Variants in RARB observed in about 807,000 individuals in gnomAD.
The protein encoded by RARB is retinoic acid receptor beta, also known as HBV-activated protein.
In RARB, 17 loss-of-function variants were observed where a neutral mutation model predicts 51.9. The ratio of observed to expected loss-of-function variants is 0.33; its 90% CI spans 0.22 to 0.49. RARB has a LOEUF of 0.49. Among genes scored for constraint, RARB ranks in the 20% least tolerant of loss-of-function variants. The pLI, the probability that RARB is intolerant of heterozygous loss-of-function variation, is 0.99. For missense variants in RARB, 369 were observed against 550.8 expected (o/e 0.67, Z 3.30); for synonymous variants, 215 against 195.4 (o/e 1.10, Z -0.84).
At chr3:25,121,403 C>A (rs770974147) in intron 3 of RARB, among the ~76,000 whole-genome samples, 10 of 152,110 alleles carry the variant, frequency 6.6e-5, no homozygotes, top group Non-Finnish European at 1.5e-4. Flanking sequence ...AAAAAAATAG[C>A]TTCTTTGATT....
chr3:25,095,030 T>A (rs1158305465), intron 3 of RARB, among the ~76,000 whole-genome samples: 1 of 152,172 alleles, frequency 6.6e-6, no homozygotes, highest in Non-Finnish European at 1.5e-5. Flanking sequence ...AAGGTCACAG[T>A]TAAGTAGAGC....
chr3:25,208,575 G>T (rs1443189219), intron 5 of RARB, among the ~76,000 whole-genome samples: 1 of 151,974 alleles, frequency 6.6e-6, no homozygotes, highest in East Asian at 1.9e-4. Flanking sequence ...GTTGAAATAG[G>T]ATACTGTTCC....
intron 5 of RARB, among the ~76,000 whole-genome samples, chr3:25,307,997 C>G (rs1202714601): frequency 6.6e-6 from 1 of 152,166 alleles, no homozygotes; most frequent in Non-Finnish European, 1.5e-5. Context: ...CTATCTGGCC[C>G]TTTACAGAAA....
At chr3:25,506,001 C>T (rs1171834561) in intron 3 of RARB, among the ~76,000 whole-genome samples, 2 of 152,030 alleles carry the variant, frequency 1.3e-5, no homozygotes, top group Non-Finnish European at 2.9e-5. Context: ...GAGTAAAGCC[C>T]TAGAAAGCCT....
chr3:25,565,947 A>G (rs949042178), intron 3 of RARB, among the ~76,000 whole-genome samples: 1 of 152,030 alleles, frequency 6.6e-6, no homozygotes, highest in African/African-American at 2.4e-5. Flanking sequence ...CTAGTTCCAG[A>G]TCTCCTGACT....
chr3:25,426,960 T>C (rs1433891740), upstream of RARB, among the ~76,000 whole-genome samples: 1 of 152,208 alleles, frequency 6.6e-6, no homozygotes, highest in Non-Finnish European at 1.5e-5. Flanking sequence ...TTAAAATTAC[T>C]GTATTTTAAT....
chr3:25,127,156 A>T (rs1245173548), intron 3 of RARB, among the ~76,000 whole-genome samples: 1 of 152,100 alleles, frequency 6.6e-6, no homozygotes, highest in Non-Finnish European at 1.5e-5. Context: ...AAACTGAACT[A>T]TGTCACACTC....
intron 2 of RARB, among the ~76,000 whole-genome samples, chr3:24,865,427 C>A (rs930904528): frequency 6.6e-6 from 1 of 152,138 alleles, no homozygotes; most frequent in Non-Finnish European, 1.5e-5. Context: ...TGAATCCTCA[C>A]AATACCCAGT....
intron 3 of RARB, among the ~76,000 whole-genome samples, chr3:25,563,637 G>C (rs1559469383): frequency 6.6e-6 from 1 of 152,184 alleles, no homozygotes; most frequent in East Asian, 1.9e-4. Flanking sequence ...CCTGCCTTCA[G>C]ATCCATGGTA....
At chr3:25,239,850 G>C (rs1423541872) in intron 5 of RARB, among the ~76,000 whole-genome samples, 1 of 152,006 alleles carries the variant, frequency 6.6e-6, no homozygotes, top group Non-Finnish European at 1.5e-5. Flanking sequence ...TTTTGACAGA[G>C]ATTGCACTGA....
chr3:25,314,659 T>A (rs1162660149), intron 5 of RARB, among the ~76,000 whole-genome samples: 1 of 152,186 alleles, frequency 6.6e-6, no homozygotes, highest in Non-Finnish European at 1.5e-5. Flanking sequence ...GAGTATTTTT[T>A]TATATATATA....
At chr3:25,224,202 C>A (rs533780988) in intron 5 of RARB, among the ~76,000 whole-genome samples, 4 of 152,162 alleles carry the variant, frequency 2.6e-5, no homozygotes, top group Non-Finnish European at 5.9e-5. Context: ...TAATGCCCAA[C>A]AAACAAGCAG....
At chr3:25,124,948 A>G (rs986196803) in intron 3 of RARB, among the ~76,000 whole-genome samples, 2 of 152,180 alleles carry the variant, frequency 1.3e-5, no homozygotes, top group Non-Finnish European at 2.9e-5. Flanking sequence ...AAGGCAAGTG[A>G]TTTTAAGGGA....
chr3:25,507,593 A>G (rs915152949), intron 3 of RARB, among the ~76,000 whole-genome samples: 24 of 152,176 alleles, frequency 1.6e-4, no homozygotes, highest in Admixed American at 8.5e-4. Context: ...CCAGTGAAAA[A>G]GGCTGAGCTG....
chr3:25,207,890 C>T (rs1184116782), intron 5 of RARB, among the ~76,000 whole-genome samples: 1 of 152,078 alleles, frequency 6.6e-6, no homozygotes, highest in Non-Finnish European at 1.5e-5. Flanking sequence ...AGTTCCAGTC[C>T]TGTAGGTTGT....
At chr3:24,890,844 G>A (rs1474151350) in intron 2 of RARB, among the ~76,000 whole-genome samples, 2 of 150,304 alleles carry the variant, frequency 1.3e-5, no homozygotes, top group Middle Eastern at 3.4e-3. Context: ...GGGCTCTGGA[G>A]TAATAAAAAA....
intron 2 of RARB, among the ~76,000 whole-genome samples, chr3:24,991,023 T>TCTA (rs1696898165): frequency 6.6e-6 from 1 of 152,374 alleles, no homozygotes; most frequent in East Asian, 1.9e-4. Flanking sequence ...ATTAGCAGTT[T>TCTA]CTACTACATA....
intron 3 of RARB, among the ~76,000 whole-genome samples, chr3:25,510,984 C>T (rs1464887457): frequency 1.3e-5 from 2 of 152,222 alleles, no homozygotes; most frequent in East Asian, 1.9e-4. Context: ...AATATTTTAG[C>T]ATCTGCAGTC....
Position 25,569,924 on chromosome 3 carries a change from A to T in RARB, c.609+6A>T. 1 of 1,613,190 alleles carries T rather than the reference A, an allele frequency of 6.2e-7. No individual in the cohort carries two copies. Among genetic ancestry groups the T allele is most frequent in the Non-Finnish European group, 8.5e-7 (1 of 1,179,524 alleles). ...AGCTGGGTAAATACACCACGGTAAG[A>T]GATACTCCTGCCCCAGGCTGCTGGG... On this transcript the variant is annotated splice_donor_region_variant and intron_variant, in intron 4 of 7. Coordinates refer to ENST00000330688, the MANE Select transcript of RARB (RefSeq NM_000965.5).
Sources: allele counts gnomAD v4.1 joint callset (sites outside exome capture counted in the v4.1 genomes callset), GRCh38; gene constraint gnomAD v4.1.1; transcripts MANE v1.5; gene names NCBI Gene and HGNC (gene_info 2026-07-23, HGNC 2026-07-21).